The following LRP1B variants were observed in gnomAD, a reference collection of about 807,000 sequenced individuals.
LRP1B encodes the protein low-density lipoprotein receptor-related protein 1B.
LRP1B carries 217 observed loss-of-function variants against 556.6 expected under a neutral mutation model. That is an observed-to-expected ratio of 0.39 (90% CI 0.35 to 0.44). The LOEUF is 0.44. Ranked by LOEUF, LRP1B falls within the 20% of genes least tolerant of loss-of-function variation. LRP1B has a pLI of 1.00. For synonymous variants in LRP1B, 2,047 were observed against 1,865.8 expected, an observed-to-expected ratio of 1.10 and a Z score of -2.50; for missense variants, 5,053 against 5,620.8, an observed-to-expected ratio of 0.90 and a Z score of 3.23.
intron 31 of LRP1B, among the ~76,000 whole-genome samples, chr2:140,828,116 C>G (rs1691573054): frequency 6.6e-6 from 1 of 151,788 alleles, no homozygotes. Flanking sequence ...AAAAAAAACT[C>G]TAAAGGGAAT....
chr2:140,552,042 G>A (rs545394644), intron 43 of LRP1B, among the ~76,000 whole-genome samples: 3 of 152,168 alleles, frequency 2.0e-5, no homozygotes, highest in South Asian at 2.1e-4. Context: ...CTGATACAAC[G>A]TCAGACTCGA....
intron 31 of LRP1B, among the ~76,000 whole-genome samples, chr2:140,816,419 A>G (rs901105127): frequency 2.0e-5 from 3 of 152,088 alleles, no homozygotes; most frequent in Non-Finnish European, 2.9e-5. Flanking sequence ...CCTGGCCCCA[A>G]CTGAATTTTT....
At chr2:141,771,964 G>A (rs2009263) in intron 2 of LRP1B, among the ~76,000 whole-genome samples, 59,431 of 151,806 alleles carry the variant, frequency 0.39, 12,636 homozygotes, top group Admixed American at 0.5. Flanking sequence ...GATTATAGGT[G>A]CCTGCCACCA....
intron 41 of LRP1B, among the ~76,000 whole-genome samples, chr2:140,625,476 A>G (rs1337440384): frequency 6.6e-6 from 1 of 152,172 alleles, no homozygotes; most frequent in Non-Finnish European, 1.5e-5. Context: ...TTTGCAAAAC[A>G]TGCATCTAAT....
At chr2:140,964,283 G>T (rs187614391) in intron 18 of LRP1B, among the ~76,000 whole-genome samples, 4,102 of 152,236 alleles carry the variant, frequency 0.027, 155 homozygotes, top group African/African-American at 0.087. Flanking sequence ...GACTAGGAGC[G>T]TGACCACTGA....
intron 2 of LRP1B, among the ~76,000 whole-genome samples, chr2:141,808,578 T>TTTAA (rs1364060159): frequency 6.6e-6 from 1 of 152,140 alleles, no homozygotes; most frequent in Non-Finnish European, 1.5e-5. Context: ...TTCAAACACA[T>TTTAA]TTAAGATATA....
At chr2:141,789,409 C>T (rs377386298) in intron 2 of LRP1B, among the ~76,000 whole-genome samples, 2 of 151,802 alleles carry the variant, frequency 1.3e-5, no homozygotes, top group East Asian at 1.9e-4. Context: ...AGCCCACATA[C>T]CACTTGTCAA....
intron 3 of LRP1B, among the ~76,000 whole-genome samples, chr2:141,470,789 G>A (rs138106184): frequency 3.9e-5 from 6 of 152,088 alleles, no homozygotes; most frequent in African/African-American, 1.4e-4. Flanking sequence ...GTGACAGTTT[G>A]TTATAATTCA....
intron 1 of LRP1B, among the ~76,000 whole-genome samples, chr2:141,876,654 C>T (rs1015043152): frequency 1.3e-5 from 2 of 151,886 alleles, no homozygotes; most frequent in African/African-American, 4.8e-5. Flanking sequence ...GTAGTTGACA[C>T]TATGACTTAA....
intron 2 of LRP1B, among the ~76,000 whole-genome samples, chr2:141,733,993 CT>C (rs1265260104): frequency 6.6e-6 from 1 of 152,050 alleles, no homozygotes; most frequent in African/African-American, 2.4e-5. Flanking sequence ...ACTATGTCTT[CT>C]TCATCTTTAT....
intron 32 of LRP1B, among the ~76,000 whole-genome samples, chr2:140,801,645 C>T (rs1194530003): frequency 6.7e-6 from 1 of 149,884 alleles, no homozygotes; most frequent in East Asian, 2.0e-4. Context: ...TGGATTTTAA[C>T]AAATCTTATT....
chr2:140,876,987 G>C (rs1417782161), intron 25 of LRP1B, among the ~76,000 whole-genome samples: 1 of 151,860 alleles, frequency 6.6e-6, no homozygotes, highest in Non-Finnish European at 1.5e-5. Flanking sequence ...TTTTTTTATT[G>C]TTTTCTACCA....
chr2:141,133,450 T>C (rs982817063), intron 7 of LRP1B, among the ~76,000 whole-genome samples: 2 of 152,018 alleles, frequency 1.3e-5, no homozygotes, highest in Non-Finnish European at 2.9e-5. Context: ...TGGATAACAT[T>C]AAGTAAATTC....
intron 33 of LRP1B, among the ~76,000 whole-genome samples, chr2:140,771,607 C>T (rs1012622309): frequency 2.0e-5 from 3 of 152,102 alleles, no homozygotes; most frequent in Admixed American, 2.0e-4. Flanking sequence ...TCTTTCTGTA[C>T]AGTACCAATG....
At chr2:140,691,944 A>C (rs900400653) in intron 41 of LRP1B, among the ~76,000 whole-genome samples, 2 of 152,134 alleles carry the variant, frequency 1.3e-5, no homozygotes, top group African/African-American at 4.8e-5. Context: ...TATTATAGCT[A>C]TTGTTGAAAG....
chr2:140,826,501 T>G (rs1029790205), intron 31 of LRP1B, among the ~76,000 whole-genome samples: 2 of 152,190 alleles, frequency 1.3e-5, no homozygotes, highest in African/African-American at 4.8e-5. Context: ...AGTGCCAAGA[T>G]GATCACCAGC....
At chr2:141,491,455 C>T (rs1157652595) in intron 2 of LRP1B, among the ~76,000 whole-genome samples, 1 of 151,714 alleles carries the variant, frequency 6.6e-6, no homozygotes, top group Admixed American at 6.6e-5. Flanking sequence ...AAAAGCAAAG[C>T]TTTTTCCTCT....
intron 11 of LRP1B, among the ~76,000 whole-genome samples, chr2:141,039,423 A>G (rs1326009211): frequency 6.6e-6 from 1 of 152,092 alleles, no homozygotes; most frequent in Non-Finnish European, 1.5e-5. Context: ...GTGTATATAT[A>G]GAGTTCAACA....
At chr2:141,057,759 AGTCTT>A (rs1204422043) in intron 9 of LRP1B, among the ~76,000 whole-genome samples, 1 of 151,864 alleles carries the variant, frequency 6.6e-6, no homozygotes, top group African/African-American at 2.4e-5. Flanking sequence ...TAAATTGCCC[AGTCTT>A]GGGTACGTCT....
Sources: allele counts gnomAD v4.1 joint callset (sites outside exome capture counted in the v4.1 genomes callset), GRCh38; gene constraint gnomAD v4.1.1; transcripts MANE v1.5; gene names NCBI Gene and HGNC (gene_info 2026-07-23, HGNC 2026-07-21).